TOP6BL: variants seen among roughly 807,000 people sequenced by gnomAD.
TOP6BL encodes type 2 DNA topoisomerase 6 subunit B-like.
At chr11:66,787,347 A>AT in the TOP6BL span, among the ~76,000 whole-genome samples, 1 of 151,974 alleles carries the variant, frequency 6.6e-6, no homozygotes, top group Non-Finnish European at 1.5e-5. Flanking sequence ...TTTAGGGCAT[A>AT]TTTTTTTAAT....
chr11:66,816,260 CTT>C, the TOP6BL span: 1 of 1,514,852 alleles, frequency 6.6e-7, no homozygotes, highest in Non-Finnish European at 8.9e-7. Context: ...GAGAGGGAAA[CTT>C]TGTGTAATGC....
At chr11:66,825,743 G>C in the TOP6BL span, among the ~76,000 whole-genome samples, 1 of 152,086 alleles carries the variant, frequency 6.6e-6, no homozygotes, top group Non-Finnish European at 1.5e-5. Context: ...CATAGCATAC[G>C]GTAGATTCTC....
the TOP6BL span, among the ~76,000 whole-genome samples, chr11:66,805,949 A>G: frequency 6.6e-6 from 1 of 152,256 alleles, no homozygotes; most frequent in Non-Finnish European, 1.5e-5. Context: ...TGATACTTTC[A>G]GCAAGATAAA....
At chr11:66,762,931 G>A in the TOP6BL span, among the ~76,000 whole-genome samples, 9 of 152,202 alleles carry the variant, frequency 5.9e-5, no homozygotes, top group African/African-American at 2.2e-4. Flanking sequence ...CAGGCCAGCT[G>A]AAGTGTCTCA....
chr11:66,826,403 C>T, the TOP6BL span, among the ~76,000 whole-genome samples: 1 of 152,126 alleles, frequency 6.6e-6, no homozygotes, highest in Non-Finnish European at 1.5e-5. Flanking sequence ...TACATTCTTG[C>T]TTATATAGTG....
chr11:66,839,681 G>T, the TOP6BL span, among the ~76,000 whole-genome samples: 17 of 152,252 alleles, frequency 1.1e-4, no homozygotes, highest in South Asian at 2.1e-3. Context: ...ACAAAGCAAA[G>T]AATCTATTTT....
chr11:66,798,100 C>CA, the TOP6BL span, among the ~76,000 whole-genome samples: 3 of 152,182 alleles, frequency 2.0e-5, no homozygotes, highest in Non-Finnish European at 2.9e-5. Context: ...GATTTGAACT[C>CA]AGGCAGTCTG....
chr11:66,788,142 C>T, the TOP6BL span: 14 of 1,556,286 alleles, frequency 9.0e-6, no homozygotes, highest in Admixed American at 1.7e-5. Flanking sequence ...GACTTTGTTG[C>T]CATTTCTTCT....
chr11:66,777,105 ATATC>A, the TOP6BL span, among the ~76,000 whole-genome samples: 2 of 148,686 alleles, frequency 1.3e-5, no homozygotes, highest in African/African-American at 5.0e-5. Flanking sequence ...CTATATCTAT[ATATC>A]TATATCTATA....
At chr11:66,751,370 T>C in the TOP6BL span, among the ~76,000 whole-genome samples, 3 of 152,034 alleles carry the variant, frequency 2.0e-5, no homozygotes, top group African/African-American at 7.3e-5. Flanking sequence ...AATTTTTGTA[T>C]TTTTAGTAGA....
the TOP6BL span, among the ~76,000 whole-genome samples, chr11:66,825,145 C>G: frequency 6.6e-6 from 1 of 151,518 alleles, no homozygotes. Context: ...ATTACAGGCC[C>G]GAGCTACTGT....
the TOP6BL span, among the ~76,000 whole-genome samples, chr11:66,788,994 A>T: frequency 2.0e-5 from 3 of 152,140 alleles, no homozygotes; most frequent in Admixed American, 2.0e-4. Flanking sequence ...TTGTGACCTC[A>T]TTTAATCTTA....
the TOP6BL span, among the ~76,000 whole-genome samples, chr11:66,768,814 A>T: frequency 1.3e-5 from 2 of 152,118 alleles, no homozygotes; most frequent in Non-Finnish European, 2.9e-5. Flanking sequence ...ACCAACCCTG[A>T]CATATTCCTT....
At chr11:66,804,373 T>C in the TOP6BL span, among the ~76,000 whole-genome samples, 1 of 152,328 alleles carries the variant, frequency 6.6e-6, no homozygotes, top group African/African-American at 2.4e-5. Context: ...AACTGTAAAA[T>C]GTGACACATG....
chr11:66,843,339 C>A, the TOP6BL span: 1 of 1,483,398 alleles, frequency 6.7e-7, no homozygotes, highest in Non-Finnish European at 8.9e-7. Context: ...TCTTCCGCGT[C>A]TGCTTCCGCG....
the TOP6BL span, among the ~76,000 whole-genome samples, chr11:66,768,198 C>T: frequency 6.6e-6 from 1 of 151,328 alleles, no homozygotes; most frequent in African/African-American, 2.4e-5. Context: ...CAGACTTGCT[C>T]AACATTGAGT....
the TOP6BL span, among the ~76,000 whole-genome samples, chr11:66,759,704 C>T: frequency 6.6e-6 from 1 of 152,178 alleles, no homozygotes; most frequent in Non-Finnish European, 1.5e-5. Context: ...CTGCCTCAGC[C>T]TTCCGAGTAG....
At chr11:66,751,103 C>T in the TOP6BL span, among the ~76,000 whole-genome samples, 9 of 149,352 alleles carry the variant, frequency 6.0e-5, no homozygotes, top group Non-Finnish European at 1.3e-4. Flanking sequence ...GCAGCCTTGA[C>T]CCCCTGAGCT....
the TOP6BL span, among the ~76,000 whole-genome samples, chr11:66,788,876 G>C: frequency 1.3e-5 from 2 of 152,148 alleles, no homozygotes; most frequent in Admixed American, 1.3e-4. Flanking sequence ...TCAGCCTGCC[G>C]AGTAGCTGGT....
Sources: allele counts gnomAD v4.1 joint callset (sites outside exome capture counted in the v4.1 genomes callset), GRCh38; gene constraint gnomAD v4.1.1; transcripts MANE v1.5; gene names NCBI Gene and HGNC (gene_info 2026-07-23, HGNC 2026-07-21).